Variants in FBN2 observed in about 807,000 individuals in gnomAD.
FBN2 encodes fibrillin-2.
Under a neutral mutation model 355.6 loss-of-function variants are expected in FBN2, and 105 were observed. The observed-to-expected ratio is 0.30, with a 90% CI of 0.25 to 0.35. The LOEUF (loss-of-function observed/expected upper bound fraction) is 0.35. Ranked by LOEUF, FBN2 falls within the 10% of genes least tolerant of loss-of-function variation. The pLI is 1.00. For synonymous variants in FBN2, 1,350 were observed against 1,301.2 expected (o/e 1.04, Z -0.81); for missense variants, 3,280 against 3,758.7 (o/e 0.87, Z 3.33).
intron 23 of FBN2, among the ~76,000 whole-genome samples, chr5:128,348,267 G>A (rs1751241988): frequency 6.6e-6 from 1 of 151,474 alleles, no homozygotes; most frequent in South Asian, 2.1e-4. Context: ...TAGTTTTGGG[G>A]GAATATTTTG....
At chr5:128,461,352 G>A (rs761484076) in intron 6 of FBN2, among the ~76,000 whole-genome samples, 3 of 151,598 alleles carry the variant, frequency 2.0e-5, no homozygotes, top group Non-Finnish European at 3.0e-5. Context: ...GTCAGGAAAC[G>A]AGATGCTGGC....
At chr5:128,411,274 T>C (rs1297360925) in intron 7 of FBN2, among the ~76,000 whole-genome samples, 1 of 152,236 alleles carries the variant, frequency 6.6e-6, no homozygotes, top group Non-Finnish European at 1.5e-5. Context: ...TTTTTTAGCT[T>C]TGCCATTTGC....
chr5:128,362,289 GGTTAAAAAATGCATTAAACAGCA>G (rs1751658671), intron 18 of FBN2, among the ~76,000 whole-genome samples: 1 of 151,994 alleles, frequency 6.6e-6, no homozygotes, highest in African/African-American at 2.4e-5. Flanking sequence ...TGTCCCAGAT[GGTTAAAAAATGCATTAAACAGCA>G]GTTAAAAGAC....
intron 23 of FBN2, among the ~76,000 whole-genome samples, chr5:128,347,939 C>A (rs1389234430): frequency 2.6e-5 from 4 of 151,694 alleles, no homozygotes; most frequent in Non-Finnish European, 5.9e-5. Context: ...TCACCATGCC[C>A]AGCTAATTTT....
At position 128,393,208 on chromosome 5, in the gene FBN2, G is replaced by A; in HGVS notation, c.1392C>T (p.Gly464=). The change falls in exon 10 of 65, where the codon GGC becomes GGT. Residue 464 remains glycine, a synonymous_variant. Transcript: ENST00000262464. ...CCCCAACGCCAGGAGAAAAGCCATTGCCTCCAGGGATGGGGATGAAGCCTG... is the reference window on the plus strand; with the variant it reads ...CCCCAACGCCAGGAGAAAAGCCATTACCTCCAGGGATGGGGATGAAGCCTG... ...GGTGFIPIPG[G]NGFSPGVGGA... 6.2e-7 allele frequency: 1 copy of A among 1,614,160 alleles called. No homozygotes were observed. Among genetic ancestry groups the A allele is most frequent in the Non-Finnish European group, 8.5e-7 (1 of 1,180,022 alleles).
At chr5:128,421,437 A>T (rs949456506) in intron 7 of FBN2, among the ~76,000 whole-genome samples, 1 of 152,208 alleles carries the variant, frequency 6.6e-6, no homozygotes, top group African/African-American at 2.4e-5. Flanking sequence ...AATGGCAATA[A>T]GTTTCATTAT....
At chr5:128,309,502 C>A (rs1006537984) in intron 40 of FBN2, 103 bp from the exon 41 acceptor site, 15 of 948,434 alleles carry the variant, frequency 1.6e-5, no homozygotes, top group Non-Finnish European at 2.0e-5. Context: ...GAACACAACT[C>A]GGAAACCCTT....
At chr5:128,462,446 T>A (rs939229237) in intron 6 of FBN2, among the ~76,000 whole-genome samples, 1 of 152,210 alleles carries the variant, frequency 6.6e-6, no homozygotes, top group African/African-American at 2.4e-5. Flanking sequence ...GAGAACTTTC[T>A]GACTATGCCA....
intron 8 of FBN2, among the ~76,000 whole-genome samples, chr5:128,399,989 C>A (rs970663586): frequency 1.3e-5 from 2 of 151,724 alleles, no homozygotes; most frequent in Non-Finnish European, 2.9e-5. Flanking sequence ...ATAATAAATA[C>A]ACATGGATTT....
chr5:128,280,116 T>C lies in FBN2; in HGVS notation c.7138+76A>G, dbSNP rs1765495776. 3.4e-6 allele frequency: 4 copies of C among 1,187,266 alleles called. No homozygotes were observed. The South Asian group carries it at 3.7e-5, about 11-fold the overall frequency. 73.5% of individuals were successfully genotyped at this position (1,187,266 alleles called of 1,614,324 possible). A position where few individuals can be genotyped will look rare whatever the true frequency, so the allele number is the denominator to read the frequency against. On this transcript the variant is annotated intron_variant, in intron 56 of 64. Coordinates refer to ENST00000262464, the MANE Select transcript of FBN2 (RefSeq NM_001999.4). ...TTTGTTTAGCAGACAAGAATATATA[T>C]GTGGAGCTCTTCTGTGATGACATCA...
intron 5 of FBN2, among the ~76,000 whole-genome samples, chr5:128,472,166 C>T (rs1754877443): frequency 6.6e-6 from 1 of 152,186 alleles, no homozygotes; most frequent in Non-Finnish European, 1.5e-5. Flanking sequence ...ATACCAAAAA[C>T]TATTATTCAG....
chr5:128,485,652 A>G (rs1400060962), intron 5 of FBN2, among the ~76,000 whole-genome samples: 2 of 152,214 alleles, frequency 1.3e-5, no homozygotes, highest in African/African-American at 4.8e-5. Context: ...GTAAATGTAT[A>G]AGCATGTACT....
chr5:128,343,577 AG>A (rs1305136627), intron 25 of FBN2, among the ~76,000 whole-genome samples: 1 of 152,206 alleles, frequency 6.6e-6, no homozygotes, highest in African/African-American at 2.4e-5. Context: ...ACACAGCTCA[AG>A]GGTCTGGAAC....
At chr5:128,322,467 G>A (rs556348709) in intron 34 of FBN2, among the ~76,000 whole-genome samples, 8 of 152,172 alleles carry the variant, frequency 5.3e-5, no homozygotes, top group African/African-American at 1.9e-4. Flanking sequence ...TCGTATAAGG[G>A]GAAAGAAAGG....
intron 6 of FBN2, among the ~76,000 whole-genome samples, chr5:128,460,189 T>C (rs1341775458): frequency 6.6e-6 from 1 of 152,078 alleles, no homozygotes; most frequent in Non-Finnish European, 1.5e-5. Flanking sequence ...GAGAGTCAAA[T>C]CATGAGTGAA....
At chr5:128,399,340 C>A (rs1752732923) in intron 8 of FBN2, among the ~76,000 whole-genome samples, 1 of 152,040 alleles carries the variant, frequency 6.6e-6, no homozygotes, top group Admixed American at 6.6e-5. Flanking sequence ...CAATGGATGC[C>A]AGAACACAAT....
At chr5:128,518,856 G>T (rs558285003) in intron 5 of FBN2, among the ~76,000 whole-genome samples, 1 of 152,280 alleles carries the variant, frequency 6.6e-6, no homozygotes, top group African/African-American at 2.4e-5. Flanking sequence ...ACTTTTTGTT[G>T]TGAAATGTTA....
At chr5:128,261,935 GACTTTATC>G in intron 63 of FBN2, 28 bp from the exon 64 acceptor site, 1 of 1,597,164 alleles carries the variant, frequency 6.3e-7, no homozygotes, top group Non-Finnish European at 8.6e-7. Flanking sequence ...AGTATTGTTA[GACTTTATC>G]ACTGACTTGA....
chr5:128,378,880 T>C lies in FBN2; in HGVS notation c.1614A>G (p.Glu538=), dbSNP rs201845084. 3.7e-6 allele frequency: 6 copies of C among 1,612,900 alleles called. No individual in the cohort carries two copies. Among genetic ancestry groups the C allele is most frequent in the East Asian group, 4.5e-5 (2 of 44,834 alleles). The part of the protein sequence containing the change: ...DANGDCIDVD[E]CTSNPCTNGD... ...CATTAGTGCAGGGATTTGATGTGCA[T>C]TCATCAACATCTGTGAGCAGCAAAA... is the stretch of plus-strand genomic sequence containing the variant. Residue 538 remains glutamate (E), a synonymous_variant, in exon 12 of 65, where the codon GAA becomes GAG. Coordinates refer to ENST00000262464, the MANE Select transcript of FBN2 (RefSeq NM_001999.4).
Sources: allele counts gnomAD v4.1 joint callset (sites outside exome capture counted in the v4.1 genomes callset), GRCh38; gene constraint gnomAD v4.1.1; transcripts MANE v1.5; gene names NCBI Gene and HGNC (gene_info 2026-07-23, HGNC 2026-07-21).